Variants in FAM227B observed in about 807,000 individuals in gnomAD.
FAM227B encodes the protein family with sequence similarity 227 member B.
FAM227B carries 88 observed loss-of-function variants against 73.8 expected under a neutral mutation model. The ratio of observed to expected loss-of-function variants is 1.19; its 90% CI spans 1.00 to 1.42. The LOEUF (loss-of-function observed/expected upper bound fraction) is 1.42. FAM227B is among the 40% of genes most tolerant of loss of function. The probability of loss-of-function intolerance (pLI) is 0.00; values close to 1 mark genes in which losing one functional copy is unlikely to be tolerated. For synonymous variants in FAM227B, 210 were observed against 190.5 expected, an observed-to-expected ratio of 1.10 and a Z score of -0.84; for missense variants, 632 against 590.9, an observed-to-expected ratio of 1.07 and a Z score of -0.72.
At chr15:49,462,945 G>A (rs146229978) in intron 11 of FAM227B, among the ~76,000 whole-genome samples, 1 of 152,304 alleles carries the variant, frequency 6.6e-6, no homozygotes, top group African/African-American at 2.4e-5. Context: ...ACTGTGTCAT[G>A]ATAAATATAG....
chr15:49,615,841 G>C (rs1680600586), intron 1 of FAM227B, among the ~76,000 whole-genome samples: 1 of 152,124 alleles, frequency 6.6e-6, no homozygotes, highest in South Asian at 2.1e-4. Flanking sequence ...GACAAGGGAA[G>C]GCTAATAATA....
chr15:49,474,219 G>T (rs2151977729), intron 11 of FAM227B, among the ~76,000 whole-genome samples: 1 of 152,194 alleles, frequency 6.6e-6, no homozygotes, highest in Non-Finnish European at 1.5e-5. Flanking sequence ...TTCTTGCTGA[G>T]ATACTTATTT....
chr15:49,478,873 C>G (rs1443377731), intron 11 of FAM227B, among the ~76,000 whole-genome samples: 1 of 151,918 alleles, frequency 6.6e-6, no homozygotes, highest in Admixed American at 6.6e-5. Flanking sequence ...AATCACAAAG[C>G]TATTGGTAAT....
At chr15:49,340,179 G>A (rs1357894395) in intron 13 of FAM227B, among the ~76,000 whole-genome samples, 3 of 152,158 alleles carry the variant, frequency 2.0e-5, no homozygotes, top group Admixed American at 6.5e-5. Context: ...GAAAACTCCT[G>A]TGGCTAGCTT....
intron 13 of FAM227B, among the ~76,000 whole-genome samples, chr15:49,339,785 G>A (rs1442232800): frequency 6.6e-6 from 1 of 152,210 alleles, no homozygotes; most frequent in Non-Finnish European, 1.5e-5. Context: ...ATAAGTCCCT[G>A]ATTGGGGCTG....
At chr15:49,550,404 G>T (rs1402476260) in intron 9 of FAM227B, among the ~76,000 whole-genome samples, 1 of 151,768 alleles carries the variant, frequency 6.6e-6, no homozygotes, top group Non-Finnish European at 1.5e-5. Flanking sequence ...CTCCCTCCCG[G>T]ACGGGGTGGC....
chr15:49,590,094 G>C, intron 3 of FAM227B, 87 bp from the exon 4 acceptor site: 1 of 710,554 alleles, frequency 1.4e-6, no homozygotes, highest in South Asian at 1.7e-5. Flanking sequence ...AGCTATAATC[G>C]AGATTTTATT....
At chr15:49,534,775 A>C (rs1312176064) in intron 10 of FAM227B, among the ~76,000 whole-genome samples, 3 of 151,844 alleles carry the variant, frequency 2.0e-5, no homozygotes, top group Non-Finnish European at 4.4e-5. Context: ...CAATGGCCAG[A>C]AACTACAAGT....
intron 11 of FAM227B, among the ~76,000 whole-genome samples, chr15:49,458,223 A>G (rs1481944956): frequency 6.6e-6 from 1 of 151,960 alleles, no homozygotes; most frequent in Non-Finnish European, 1.5e-5. Context: ...ACCAATGACA[A>G]TAGATTTTGA....
At position 49,501,674 on chromosome 15, in the gene FAM227B, A is replaced by T. The variant is rs139137135; in HGVS notation, c.1012+6537T>A. Among the ~76,000 whole-genome samples, 196 of 152,368 alleles carry T rather than the reference A, an allele frequency of 1.3e-3. 3 individuals carry two copies. In the East Asian group the frequency reaches 0.034, roughly 26 times the overall value. On this transcript the variant is annotated intron_variant, in intron 11 of 15. Transcript: ENST00000299338. ...AAGAAAAGGCTCTTTTGGAAGAATA[A>T]TTCAAGTAGGCTTTGTAGCAATGAC...
chr15:49,376,302 T>C (rs1008188126), intron 11 of FAM227B, among the ~76,000 whole-genome samples: 3 of 152,080 alleles, frequency 2.0e-5, no homozygotes, highest in Non-Finnish European at 4.4e-5. Flanking sequence ...ATTTTGTATA[T>C]TGTGTGAGGT....
chr15:49,376,506 G>A (rs924679549), intron 11 of FAM227B, among the ~76,000 whole-genome samples: 1 of 152,058 alleles, frequency 6.6e-6, no homozygotes, highest in African/African-American at 2.4e-5. Flanking sequence ...GTACCACATT[G>A]TCTTGATTAA....
At chr15:49,490,334 C>A (rs2056979466) in intron 11 of FAM227B, among the ~76,000 whole-genome samples, 1 of 151,844 alleles carries the variant, frequency 6.6e-6, no homozygotes, top group Non-Finnish European at 1.5e-5. Flanking sequence ...CCACCACAGT[C>A]CATTCTCAAA....
chr15:49,523,868 T>C (rs1240253303), intron 10 of FAM227B, among the ~76,000 whole-genome samples: 2 of 152,180 alleles, frequency 1.3e-5, no homozygotes, highest in African/African-American at 4.8e-5. Context: ...ACTGGTGGCA[T>C]TTAGGCCCTG....
intron 1 of FAM227B, 58 bp from the exon 2 acceptor site, chr15:49,615,301 T>C: frequency 2.6e-6 from 2 of 775,224 alleles, no homozygotes; most frequent in Non-Finnish European, 4.6e-6. Context: ...ACAATCCCTT[T>C]CCCCTCACCC....
At chr15:49,480,476 T>TA (rs1025003311) in intron 11 of FAM227B, among the ~76,000 whole-genome samples, 1 of 94,564 alleles carries the variant, frequency 1.1e-5, no homozygotes, top group African/African-American at 3.0e-5. Context: ...CCCAACTAAT[T>TA]TTTTTTTTTT....
chr15:49,616,250 A>G (rs1238019664), intron 1 of FAM227B, among the ~76,000 whole-genome samples: 1 of 152,186 alleles, frequency 6.6e-6, no homozygotes, highest in African/African-American at 2.4e-5. Context: ...GTGGGGCTCT[A>G]ATATGATTGG....
chr15:49,367,421 A>C, intron 13 of FAM227B, 27 bp downstream of exon 13: 1 of 1,502,182 alleles, frequency 6.7e-7, no homozygotes, highest in Non-Finnish European at 8.9e-7. Flanking sequence ...AAGAAATTAT[A>C]TTAAAGCAAA....
chr15:49,434,332 C>A (rs1226679113), intron 11 of FAM227B: 1 of 151,084 alleles, frequency 6.6e-6, no homozygotes, highest in Non-Finnish European at 1.5e-5. Context: ...CCTCCTTTTG[C>A]TAGACTAAGA....
Sources: allele counts gnomAD v4.1 joint callset (sites outside exome capture counted in the v4.1 genomes callset), GRCh38; gene constraint gnomAD v4.1.1; transcripts MANE v1.5; gene names NCBI Gene and HGNC (gene_info 2026-07-23, HGNC 2026-07-21).